Variants in RNF157 observed in about 807,000 individuals in gnomAD.
The protein encoded by RNF157 is E3 ubiquitin ligase RNF157.
In RNF157, 55 loss-of-function variants were observed where a neutral mutation model predicts 88.3. The ratio of observed to expected loss-of-function variants is 0.62; its 90% CI spans 0.50 to 0.78. RNF157 has a LOEUF of 0.78. Ranked by LOEUF, RNF157 falls within the 30% of genes least tolerant of loss-of-function variation. The pLI is 0.00. For missense variants in RNF157, 788 were observed against 860.8 expected, an observed-to-expected ratio of 0.92 and a Z score of 1.06; for synonymous variants, 334 against 341.2, an observed-to-expected ratio of 0.98 and a Z score of 0.23.
chr17:76,164,319 A>C (rs558783805), intron 8 of RNF157: 2 of 153,482 alleles, frequency 1.3e-5, no homozygotes, highest in East Asian at 3.8e-4. Flanking sequence ...TGGATAAATT[A>C]AGCCAATGAC....
Position 76,159,629 on chromosome 17 carries a change from G to A in RNF157, c.1066-56C>T, listed in dbSNP as rs529275492. The A allele has an allele frequency of 1.0e-4, 125 of 1,254,578 alleles. No homozygotes were observed. In the African/African-American group the frequency reaches 1.7e-3, roughly 17 times the overall value. 77.7% of individuals were successfully genotyped at this position (1,254,578 alleles called of 1,614,324 possible). On this transcript the variant is annotated intron_variant, in intron 11 of 18. Transcript: ENST00000269391. ...AATTAGGTCCTTTTTGTTTTATGAC[G>A]TGATCATGCTACTTCTCTACACTGA...
At chr17:76,164,628 GA>G (rs1598396626) in intron 8 of RNF157, 119 bp downstream of exon 8, 1 of 525,420 alleles carries the variant, frequency 1.9e-6, no homozygotes. Flanking sequence ...AAAAAAAGAG[GA>G]AAAGGAGAGA....
At chr17:76,225,886 A>G in intron 1 of RNF157, 1 of 1,613,586 alleles carries the variant, frequency 6.2e-7, no homozygotes. Flanking sequence ...TGCACTCGCC[A>G]GTGAGAGCCT....
At chr17:76,192,562 T>C (rs2069404992) in intron 2 of RNF157, among the ~76,000 whole-genome samples, 1 of 152,118 alleles carries the variant, frequency 6.6e-6, no homozygotes, top group Admixed American at 6.5e-5. Flanking sequence ...ATGCCCATGG[T>C]GACTCTTTAG....
At chr17:76,173,500 T>G (rs1013367962) in intron 3 of RNF157, among the ~76,000 whole-genome samples, 1 of 152,150 alleles carries the variant, frequency 6.6e-6, no homozygotes, top group Admixed American at 6.5e-5. Flanking sequence ...CACAGACGAT[T>G]GCATCCAGTG....
intron 2 of RNF157, among the ~76,000 whole-genome samples, chr17:76,192,026 T>C (rs78760030): frequency 0.01 from 1,565 of 152,338 alleles, 22 homozygotes; most frequent in African/African-American, 0.035. Flanking sequence ...CTGAAAAAGT[T>C]AACCAGATTT....
rs185048079 is a variant in RNF157 at position 76,218,736 on chromosome 17, C to A, written c.89-6254G>T. Among the ~76,000 whole-genome samples the A allele has an allele frequency of 1.8e-3, 277 of 152,160 alleles. 5 individuals carry two copies. The highest frequency in any genetic ancestry group is 6.5e-4 in the Non-Finnish European group (44 of 68,010). ...ATCAACTGAGGTCAGGAGTTTGAGA[C>A]CAGCCTGTCCACCATAGTGAAACTT... On this transcript the variant is annotated intron_variant, in intron 1 of 18. Coordinates refer to ENST00000269391, the MANE Select transcript of RNF157 (RefSeq NM_052916.3).
At chr17:76,210,380 T>TCAG (rs2069764708) in intron 2 of RNF157, among the ~76,000 whole-genome samples, 1 of 150,362 alleles carries the variant, frequency 6.7e-6, no homozygotes, top group Non-Finnish European at 1.5e-5. Flanking sequence ...GATCACGAGG[T>TCAG]CAGATCGAGA....
At chr17:76,165,471 C>T (rs915820501) in intron 7 of RNF157, 31 bp downstream of exon 7, 4 of 1,611,786 alleles carry the variant, frequency 2.5e-6, no homozygotes, top group Admixed American at 3.3e-5. Flanking sequence ...GGGCTAAAGG[C>T]AATAAAGCGA....
chr17:76,202,126 TCTCA>T (rs1555659348), intron 2 of RNF157, among the ~76,000 whole-genome samples: 1,394 of 137,688 alleles, frequency 0.01, 17 homozygotes, highest in African/African-American at 0.037. Context: ...TCTCTCTCTC[TCTCA>T]CACACACACA....
intron 15 of RNF157, 31 bp downstream of exon 15, chr17:76,155,528 GAGA>G: frequency 6.2e-7 from 1 of 1,602,682 alleles, no homozygotes; most frequent in Non-Finnish European, 8.5e-7. Context: ...ACAAAGAACA[GAGA>G]AGCCAGGGCG....
chr17:76,229,571 C>T (rs1299978492), intron 1 of RNF157, among the ~76,000 whole-genome samples: 1 of 152,218 alleles, frequency 6.6e-6, no homozygotes, highest in East Asian at 1.9e-4. Context: ...TCTTCAATCA[C>T]CTGCCATATC....
chr17:76,173,657 C>G (rs1440562317), intron 3 of RNF157, 45 bp downstream of exon 3: 2 of 1,472,206 alleles, frequency 1.4e-6, no homozygotes, highest in East Asian at 4.7e-5. Context: ...CCAGCCTCCC[C>G]AAAGGAAGGT....
intron 2 of RNF157, among the ~76,000 whole-genome samples, chr17:76,197,469 C>G (rs2069496892): frequency 6.6e-6 from 1 of 152,022 alleles, no homozygotes; most frequent in Admixed American, 6.6e-5. Context: ...TTGAGACCAC[C>G]CTGGGCAACA....
chr17:76,234,740 C>T (rs7225664), intron 1 of RNF157, among the ~76,000 whole-genome samples: 2,627 of 152,112 alleles, frequency 0.017, 76 homozygotes, highest in African/African-American at 0.06. Context: ...ATATGAGTTC[C>T]TTATATATTC....
intron 1 of RNF157, chr17:76,226,911 G>A: frequency 1.1e-6 from 1 of 946,780 alleles, no homozygotes; most frequent in Non-Finnish European, 1.6e-6. Flanking sequence ...CATGGCTTAA[G>A]CCGCTGGGGG....
rs1372085653 is a variant in RNF157, at chr17:76,176,649, C to T, written c.208-2859G>A. 7.2e-5 allele frequency among the ~76,000 whole-genome samples: 11 copies of T among 152,166 alleles called. No homozygotes were observed. Among genetic ancestry groups the T allele is most frequent in the Non-Finnish European group, 1.2e-4 (8 of 68,020 alleles). ...GACAGACAGCCCCTCCACAGCTTGC[C>T]GCCCTGGAGGCCACCCCATGGGGCT... On this transcript the variant is annotated intron_variant, in intron 2 of 18. Transcript: ENST00000269391. The surrounding 1 kb of genome is among the most constrained non-coding windows in gnomAD (Gnocchi z 4.2).
chr17:76,194,774 G>A (rs1049645903), intron 2 of RNF157, among the ~76,000 whole-genome samples: 2 of 152,120 alleles, frequency 1.3e-5, no homozygotes, highest in Non-Finnish European at 2.9e-5. Flanking sequence ...CCAGCACTTT[G>A]GGAGGCCAAG....
At chr17:76,226,878 C>A in intron 1 of RNF157, 1 of 1,244,896 alleles carries the variant, frequency 8.0e-7, no homozygotes, top group East Asian at 2.4e-5. Flanking sequence ...AGCAATGCTG[C>A]TGCTGAATGC....
Sources: allele counts gnomAD v4.1 joint callset (sites outside exome capture counted in the v4.1 genomes callset), GRCh38; gene constraint gnomAD v4.1.1; non-coding constraint Gnocchi (gnomAD v3.1); transcripts MANE v1.5; gene names NCBI Gene and HGNC (gene_info 2026-07-23, HGNC 2026-07-21).